The following DNAH14 variants were observed in gnomAD, a reference collection of about 807,000 sequenced individuals.
The protein encoded by DNAH14 is dynein axonemal heavy chain 14, also known as axonemal beta dynein heavy chain 14.
DNAH14 carries 478 observed loss-of-function variants against 520.9 expected under a neutral mutation model. The observed-to-expected ratio is 0.92, with a 90% CI of 0.85 to 0.99. The LOEUF is 0.99. Among genes scored for constraint, DNAH14 ranks in the 50% least tolerant of loss-of-function variants. The pLI is 0.00. For synonymous variants in DNAH14, 1,581 were observed against 1,757.2 expected (o/e 0.90, Z 2.51); for missense variants, 4,831 against 5,234.5 (o/e 0.92, Z 2.38).
At chr1:225,157,717 A>G (rs1470880157) in intron 34 of DNAH14, among the ~76,000 whole-genome samples, 1 of 152,262 alleles carries the variant, frequency 6.6e-6, no homozygotes, top group African/African-American at 2.4e-5. Flanking sequence ...GGCCATTGTC[A>G]TTCCCTAGGA....
intron 61 of DNAH14, among the ~76,000 whole-genome samples, chr1:225,319,311 A>G (rs1333740091): frequency 3.9e-5 from 6 of 152,204 alleles, no homozygotes; most frequent in Admixed American, 1.3e-4. Flanking sequence ...ATCTGAGCCT[A>G]TTAGTGCTAA....
At chr1:225,110,977 C>T (rs2076430521) in intron 23 of DNAH14, among the ~76,000 whole-genome samples, 1 of 151,984 alleles carries the variant, frequency 6.6e-6, no homozygotes, top group East Asian at 1.9e-4. Context: ...CCATTGTGGT[C>T]AGAAAAGATA....
In DNAH14 at chr1:225,226,269, A is replaced by G. The variant is rs142555562; in HGVS notation, c.6440-4804A>G. 2.1e-3 allele frequency among the ~76,000 whole-genome samples: 318 copies of G among 152,282 alleles called. 2 individuals are homozygous for G. The highest frequency in any genetic ancestry group is 7.3e-3 in the African/African-American group (303 of 41,566). ...GTGGGGTCTCTCATTAATGGCACACATTGGACTAAGGTGCCAGGTAACACT... is the reference window on the plus strand; with the variant it reads ...GTGGGGTCTCTCATTAATGGCACACGTTGGACTAAGGTGCCAGGTAACACT... On this transcript the variant is annotated intron_variant, in intron 41 of 85. Transcript: ENST00000682510.
chr1:225,085,860 T>G, intron 21 of DNAH14, 71 bp downstream of exon 21: 2 of 1,423,360 alleles, frequency 1.4e-6, no homozygotes, highest in Non-Finnish European at 1.8e-6. Context: ...TCTTTTGCGG[T>G]CTACAGTTTG....
chr1:224,957,057 G>C (rs1042967324), intron 3 of DNAH14, among the ~76,000 whole-genome samples: 2 of 152,094 alleles, frequency 1.3e-5, no homozygotes, highest in African/African-American at 4.8e-5. Flanking sequence ...GAGGATTTCT[G>C]TTTTGTAAAG....
At chr1:225,330,883 G>T (rs928623822) in intron 64 of DNAH14, among the ~76,000 whole-genome samples, 1 of 152,108 alleles carries the variant, frequency 6.6e-6, no homozygotes, top group Non-Finnish European at 1.5e-5. Flanking sequence ...ATTACACATT[G>T]CATGCCTGTA....
intron 36 of DNAH14, among the ~76,000 whole-genome samples, chr1:225,176,558 T>C (rs944496766): frequency 6.7e-6 from 1 of 148,530 alleles, no homozygotes; most frequent in African/African-American, 2.5e-5. Context: ...ACTATTATTG[T>C]ATGATATGGT....
At chr1:225,338,342 C>G (rs2095105606) in intron 68 of DNAH14, 160 bp downstream of exon 68, 1 of 910,068 alleles carries the variant, frequency 1.1e-6, no homozygotes, top group Admixed American at 2.0e-5. Flanking sequence ...TAGTATTCAT[C>G]AGTATACAGA....
intron 8 of DNAH14, among the ~76,000 whole-genome samples, chr1:224,979,021 T>C (rs549274871): frequency 6.6e-6 from 1 of 152,264 alleles, no homozygotes; most frequent in South Asian, 2.1e-4. Context: ...ATTACCCTGA[T>C]TTACTAACAC....
At chr1:225,067,686 G>A (rs2071061126) in intron 17 of DNAH14, among the ~76,000 whole-genome samples, 1 of 152,090 alleles carries the variant, frequency 6.6e-6, no homozygotes, top group Admixed American at 6.6e-5. Flanking sequence ...GTAGCTCATT[G>A]TGGTTTTGAT....
At position 225,207,151 on chromosome 1, in the gene DNAH14, G is replaced by T; in HGVS notation, c.6370G>T (p.Val2124Phe). The change falls in exon 41 of 86, where the codon GTC (valine) becomes TTC (phenylalanine). Residue 2124 changes from valine to phenylalanine, a missense_variant. Transcript: ENST00000682510. Reference sequence around the variant, plus strand: ...ATATCCTATGGAGGACATAACAGTCGTCATAACCCTCTGCAGAATTCTTGA... The same window carrying T: ...ATATCCTATGGAGGACATAACAGTCTTCATAACCCTCTGCAGAATTCTTGA... ...QPYPMEDITVVITLCRILDAF... is the reference protein window; with the variant it reads ...QPYPMEDITVFITLCRILDAF... 5 of 1,548,008 alleles carry T rather than the reference G, an allele frequency of 3.2e-6. No homozygotes were observed. Among genetic ancestry groups the T allele is most frequent in the Non-Finnish European group, 4.4e-6 (5 of 1,145,432 alleles).
intron 53 of DNAH14, 30 bp downstream of exon 53, chr1:225,276,111 G>A (rs1210864815): frequency 4.3e-6 from 1 of 233,398 alleles, no homozygotes; most frequent in Non-Finnish European, 9.2e-6. Flanking sequence ...AAAAATCTGA[G>A]GAGTGCTATA....
At chr1:225,191,101 A>G (rs1033783268) in intron 37 of DNAH14, among the ~76,000 whole-genome samples, 4 of 152,054 alleles carry the variant, frequency 2.6e-5, no homozygotes, top group Non-Finnish European at 5.9e-5. Context: ...GAGGAGTTAC[A>G]AATCAAAAAT....
In DNAH14 at chr1:225,102,988, G is replaced by A. The variant is rs553671193; in HGVS notation, c.3867+2104G>A. 1.1e-3 allele frequency among the ~76,000 whole-genome samples: 164 copies of A among 152,256 alleles called. 1 individual carries two copies. The highest frequency in any genetic ancestry group is 3.7e-3 in the African/African-American group (155 of 41,554). On this transcript the variant is annotated intron_variant, in intron 23 of 85. Coordinates refer to ENST00000682510, the MANE Select transcript of DNAH14 (RefSeq NM_001367479.1). ...CCATGCCTATGTCCTGAATGGTATT[G>A]CCTAGGTTTTCTTCTAGGGTTTTTA...
intron 17 of DNAH14, among the ~76,000 whole-genome samples, chr1:225,075,332 A>G (rs975987589): frequency 2.0e-5 from 3 of 151,806 alleles, no homozygotes; most frequent in African/African-American, 7.3e-5. Context: ...ATTAGTCCCA[A>G]TGCAAGTACC....
intron 55 of DNAH14, among the ~76,000 whole-genome samples, chr1:225,293,856 T>C (rs1033393723): frequency 1.3e-5 from 2 of 152,204 alleles, no homozygotes; most frequent in African/African-American, 4.8e-5. Flanking sequence ...TGGTAGTCTT[T>C]ATGTATTTAT....
At chr1:225,024,219 ACT>A in intron 11 of DNAH14, 1 of 988,834 alleles carries the variant, frequency 1.0e-6, no homozygotes, top group African/African-American at 1.7e-5. Flanking sequence ...GCCTAAGTAT[ACT>A]CTGTCTTCCA....
chr1:225,140,502 T>C (rs187699150), intron 27 of DNAH14, among the ~76,000 whole-genome samples: 2 of 152,322 alleles, frequency 1.3e-5, no homozygotes, highest in African/African-American at 4.8e-5. Flanking sequence ...CCCAGGTTAT[T>C]ACTTAAGGTT....
chr1:225,294,081 C>T lies in DNAH14; in HGVS notation c.8469+3999C>T, dbSNP rs1211218478. Among the ~76,000 whole-genome samples the T allele has an allele frequency of 2.0e-5, 3 of 152,094 alleles. 1 individual carries two copies. Among genetic ancestry groups the T allele is most frequent in the Non-Finnish European group, 4.4e-5 (3 of 68,000 alleles). On this transcript the variant is annotated intron_variant, in intron 55 of 85. Transcript: ENST00000682510. ...TATGATGTTAGCTGTGGGTTTGTCA[C>T]ATATGGCCTTTATTGTGTTGAGGTA... is the stretch of plus-strand genomic sequence containing the variant.
Sources: allele counts gnomAD v4.1 joint callset (sites outside exome capture counted in the v4.1 genomes callset), GRCh38; gene constraint gnomAD v4.1.1; transcripts MANE v1.5; gene names NCBI Gene and HGNC (gene_info 2026-07-23, HGNC 2026-07-21).